Variants in ELFN1 observed in about 807,000 individuals in gnomAD.
ELFN1 encodes extracellular leucine rich repeat and fibronectin type III domain containing 1, also known as protein ELFN1.
Under a neutral mutation model 7.6 loss-of-function variants are expected in ELFN1, and 6 were observed. The ratio of observed to expected loss-of-function variants is 0.79; its 90% CI spans 0.43 to 1.56. The LOEUF (loss-of-function observed/expected upper bound fraction) is 1.56. Ranked by LOEUF, ELFN1 falls within the 40% of genes most tolerant of loss-of-function variation. The pLI, the probability that ELFN1 is intolerant of heterozygous loss-of-function variation, is 0.01. For missense variants in ELFN1, 1,169 were observed against 1,232.2 expected (o/e 0.95, Z 0.77); for synonymous variants, 657 against 588.1 (o/e 1.12, Z -1.70).
chr7:1,716,924 G>A (rs1779852200), intron 3 of ELFN1, among the ~76,000 whole-genome samples: 1 of 152,204 alleles, frequency 6.6e-6, no homozygotes, highest in African/African-American at 2.4e-5. Flanking sequence ...CCGGCATGGG[G>A]CATGGGAGCC....
At chr7:1,701,078 CGTGTGT>C (rs138718131) in intron 2 of ELFN1, among the ~76,000 whole-genome samples, 1 of 151,210 alleles carries the variant, frequency 6.6e-6, no homozygotes, top group African/African-American at 2.4e-5. Flanking sequence ...TGTATGTGTG[CGTGTGT>C]GTGTGCGCGT....
intron 3 of ELFN1, among the ~76,000 whole-genome samples, chr7:1,730,888 A>C (rs1780311424): frequency 6.6e-6 from 1 of 152,248 alleles, no homozygotes; most frequent in Admixed American, 6.5e-5. Context: ...AAAATGATTC[A>C]AGATCTTAGA....
chr7:1,691,696 G>A (rs920474185), intron 2 of ELFN1, among the ~76,000 whole-genome samples: 12 of 152,322 alleles, frequency 7.9e-5, no homozygotes, highest in African/African-American at 2.2e-4. Context: ...ATCAGTGGCC[G>A]GTGAGAGCCG....
intron 3 of ELFN1, among the ~76,000 whole-genome samples, chr7:1,720,473 C>T (rs1245891905): frequency 6.6e-6 from 1 of 152,246 alleles, no homozygotes; most frequent in East Asian, 1.9e-4. Context: ...CAGAGAACAC[C>T]GAGGCCATGA....
intron 2 of ELFN1, among the ~76,000 whole-genome samples, chr7:1,691,216 G>C (rs1779155765): frequency 6.6e-6 from 1 of 152,130 alleles, no homozygotes; most frequent in South Asian, 2.1e-4. Flanking sequence ...CAGACAGCAG[G>C]GTCTAAACCA....
intron 1 of ELFN1, among the ~76,000 whole-genome samples, chr7:1,671,323 G>A (rs1246738584): frequency 6.6e-6 from 1 of 152,222 alleles, no homozygotes; most frequent in Non-Finnish European, 1.5e-5. Flanking sequence ...AAAAAACGAA[G>A]GCTTAGCAGA....
At chr7:1,691,457 C>G (rs530799321) in intron 2 of ELFN1, among the ~76,000 whole-genome samples, 1 of 152,174 alleles carries the variant, frequency 6.6e-6, no homozygotes, top group South Asian at 2.1e-4. Flanking sequence ...CTGAGATATT[C>G]GGTTGGGTAA....
rs1780778977 is a variant in ELFN1, at chr7:1,746,143, A to G, written c.1547A>G (p.Asp516Gly). ...CAGTACAAGCTGGTGGAGAGCGCGG[A>G]CACCCCCAAGGCCAGCAAGGGCAGC... ...VEQYKLVESA[D>G]TPKASKGSYM... Residue 516 changes from aspartate to glycine, a missense_variant, in exon 4 of 4, where the codon GAC becomes GGC. This residue lies in a region of ELFN1 where 914 missense variants were observed against 872.6 expected (regional missense o/e 1.05). Coordinates refer to ENST00000424383, the MANE Select transcript of ELFN1 (RefSeq NM_001128636.4). 4 of 1,548,372 alleles carry G rather than the reference A, an allele frequency of 2.6e-6. No individual in the cohort carries two copies. Among genetic ancestry groups the G allele is most frequent in the Non-Finnish European group, 3.5e-6 (4 of 1,145,848 alleles).
intron 3 of ELFN1, among the ~76,000 whole-genome samples, chr7:1,722,751 C>T (rs1310764428): frequency 6.6e-6 from 1 of 151,960 alleles, no homozygotes; most frequent in Non-Finnish European, 1.5e-5. Flanking sequence ...CTAAGAAATC[C>T]CTTATAAATA....
At chr7:1,679,392 G>C (rs964471567) in intron 1 of ELFN1, among the ~76,000 whole-genome samples, 7 of 152,156 alleles carry the variant, frequency 4.6e-5, no homozygotes, top group Non-Finnish European at 4.4e-5. Context: ...GGGGTGCCTG[G>C]CCTGACCATC....
At position 1,675,437 on chromosome 7, in the gene ELFN1, C is replaced by T. The variant is rs546846348; in HGVS notation, c.-549+5083C>T. On this transcript the variant is annotated intron_variant, in intron 1 of 3. Coordinates refer to ENST00000424383, the MANE Select transcript of ELFN1 (RefSeq NM_001128636.4). ...GGAATCCTTCCTGGGATGGAAACCC[C>T]GGGAGATGATTGACAGCCTGGAGGC... 9.8e-5 allele frequency among the ~76,000 whole-genome samples: 15 copies of T among 152,334 alleles called. 1 individual carries two copies. The highest frequency in any genetic ancestry group is 3.3e-4 in the Admixed American group (5 of 15,302).
intron 2 of ELFN1, among the ~76,000 whole-genome samples, chr7:1,691,660 T>G (rs1297045495): frequency 6.6e-6 from 1 of 152,176 alleles, no homozygotes; most frequent in Non-Finnish European, 1.5e-5. Flanking sequence ...TCCCACAAGC[T>G]GGCCACCGGG....
chr7:1,712,372 G>A (rs183750479), intron 3 of ELFN1, among the ~76,000 whole-genome samples: 4,058 of 150,822 alleles, frequency 0.027, 178 homozygotes, highest in African/African-American at 0.093. Context: ...TGCCCGCCTC[G>A]GCCTCCCAAA....
chr7:1,673,426 A>G lies in ELFN1; in HGVS notation c.-549+3072A>G, dbSNP rs565088606. Among the ~76,000 whole-genome samples the G allele has an allele frequency of 9.9e-5, 15 of 152,254 alleles. No homozygotes were observed. The South Asian group carries it at 3.1e-3, about 32-fold the overall frequency. ...TGTGCACCCTGAGCCAGTCAGTGGC[A>G]CCGACAGTAAACAGGAAGCAGGGTG... On this transcript the variant is annotated intron_variant, in intron 1 of 3. Transcript: ENST00000424383. The surrounding 1 kb of genome is among the most constrained non-coding windows in gnomAD (Gnocchi z 4.7).
intron 3 of ELFN1, among the ~76,000 whole-genome samples, chr7:1,713,369 G>A (rs1455783914): frequency 3.3e-5 from 5 of 152,174 alleles, no homozygotes; most frequent in Non-Finnish European, 7.4e-5. Context: ...CAGCCGCTCC[G>A]CTGAGTCTTC....
upstream of ELFN1, among the ~76,000 whole-genome samples, chr7:1,669,292 C>T (rs1445466524): frequency 1.3e-5 from 2 of 149,852 alleles, no homozygotes; most frequent in Admixed American, 6.6e-5. Flanking sequence ...GAGCGGAGAG[C>T]GTGCCGGGGG....
chr7:1,721,799 G>C (rs1780030795), intron 3 of ELFN1, among the ~76,000 whole-genome samples: 1 of 152,218 alleles, frequency 6.6e-6, no homozygotes, highest in Non-Finnish European at 1.5e-5. Context: ...CCATGGCAGA[G>C]GGAGGTCCTG....
At chr7:1,690,242 G>A (rs1403312682) in intron 2 of ELFN1, among the ~76,000 whole-genome samples, 1 of 151,924 alleles carries the variant, frequency 6.6e-6, no homozygotes, top group Non-Finnish European at 1.5e-5. Context: ...ATGGAAGAAA[G>A]ATGAGTGGGT....
chr7:1,686,558 G>C (rs958283400), intron 1 of ELFN1, among the ~76,000 whole-genome samples: 2 of 151,974 alleles, frequency 1.3e-5, no homozygotes, highest in African/African-American at 4.8e-5. Context: ...TCTGTGGTCA[G>C]TCAGTGATTG....
Sources: gnomAD v4.1 joint callset for allele counts (sites outside exome capture counted in the v4.1 genomes callset) on GRCh38, gnomAD v4.1.1 for gene constraint, gnomAD v4.1.1 regional missense constraint, Gnocchi (gnomAD v3.1) non-coding constraint, MANE v1.5 for transcripts, NCBI Gene and HGNC (gene_info 2026-07-23, HGNC 2026-07-21) for gene names.